Variants in RBBP8 observed in about 807,000 individuals in gnomAD.
RBBP8 encodes DNA endonuclease RBBP8.
Under a neutral mutation model 108.3 loss-of-function variants are expected in RBBP8, and 88 were observed. That is an observed-to-expected ratio of 0.81 (90% confidence interval 0.68 to 0.97). The LOEUF (loss-of-function observed/expected upper bound fraction) is 0.97. RBBP8 is among the 50% of genes least tolerant of loss of function. The probability of loss-of-function intolerance (pLI) is 0.00; values close to 1 mark genes in which losing one functional copy is unlikely to be tolerated. For missense variants in RBBP8, 1,023 were observed against 1,049.0 expected, an observed-to-expected ratio of 0.98 and a Z score of 0.34; for synonymous variants, 332 against 348.2, an observed-to-expected ratio of 0.95 and a Z score of 0.52.
intron 8 of RBBP8, 35 bp downstream of exon 8, chr18:22,985,025 A>G: frequency 6.2e-7 from 1 of 1,608,228 alleles, no homozygotes; most frequent in Non-Finnish European, 8.5e-7. Flanking sequence ...TACAAGTTTA[A>G]AATTGTGGTT....
intron 6 of RBBP8, among the ~76,000 whole-genome samples, chr18:22,980,077 C>A (rs1318107821): frequency 6.6e-6 from 1 of 152,028 alleles, no homozygotes; most frequent in Non-Finnish European, 1.5e-5. Flanking sequence ...GAAACCCTGT[C>A]TCTACTAAAA....
At chr18:22,976,648 A>G (rs1914520298) in intron 6 of RBBP8, among the ~76,000 whole-genome samples, 2 of 152,112 alleles carry the variant, frequency 1.3e-5, no homozygotes. Flanking sequence ...TTTAAAAAAT[A>G]TGAATTTGGA....
chr18:22,954,749 G>C (rs745461446), intron 4 of RBBP8, among the ~76,000 whole-genome samples: 1 of 152,136 alleles, frequency 6.6e-6, no homozygotes, highest in Non-Finnish European at 1.5e-5. Flanking sequence ...CACATGGTTG[G>C]GGAGGCCTCA....
At chr18:23,018,957 C>G (rs908185139) in intron 17 of RBBP8, among the ~76,000 whole-genome samples, 1 of 152,092 alleles carries the variant, frequency 6.6e-6, no homozygotes, top group Non-Finnish European at 1.5e-5. Context: ...AATAACCAAG[C>G]ACATTAAAAT....
At chr18:22,942,986 T>C (rs1911229617) in intron 2 of RBBP8, among the ~76,000 whole-genome samples, 1 of 152,080 alleles carries the variant, frequency 6.6e-6, no homozygotes, top group Admixed American at 6.5e-5. Context: ...TTGAAACACC[T>C]TGAAGAAATG....
At chr18:22,952,638 G>A (rs1240601221) in intron 4 of RBBP8, among the ~76,000 whole-genome samples, 1 of 152,104 alleles carries the variant, frequency 6.6e-6, no homozygotes, top group East Asian at 1.9e-4. Context: ...AGGCTGTCTA[G>A]CTGAGAAGCC....
Position 23,026,320 on chromosome 18 carries a change from G to C in RBBP8, c.*80G>C. 5.2e-6 allele frequency: 6 copies of C among 1,151,168 alleles called. No individual in the cohort carries two copies. Among genetic ancestry groups the C allele is most frequent in the Non-Finnish European group, 7.7e-6 (6 of 777,738 alleles). 71.3% of individuals were successfully genotyped at this position (1,151,168 alleles called of 1,614,324 possible). A position where few individuals can be genotyped will look rare whatever the true frequency, so the allele number is the denominator to read the frequency against. ...ATAGTTAAAGTTGGTACTAAACATTGATTTTTTTGATCTTCTGTAAATGGA... is the reference window on the plus strand; with the variant it reads ...ATAGTTAAAGTTGGTACTAAACATTCATTTTTTTGATCTTCTGTAAATGGA... On this transcript the variant is annotated 3_prime_UTR_variant, in exon 19 of 19. Transcript: ENST00000327155.
intron 4 of RBBP8, among the ~76,000 whole-genome samples, chr18:22,966,373 A>G (rs1256985916): frequency 6.6e-6 from 1 of 152,158 alleles, no homozygotes; most frequent in Non-Finnish European, 1.5e-5. Flanking sequence ...TTAATGCTAC[A>G]TATGACTTCC....
intron 12 of RBBP8, among the ~76,000 whole-genome samples, chr18:22,995,202 T>A (rs1180254969): frequency 1.3e-5 from 2 of 152,134 alleles, no homozygotes; most frequent in Non-Finnish European, 1.5e-5. Flanking sequence ...TTAGTCTCTA[T>A]ATGAAAACAT....
At chr18:22,926,199 G>C (rs940486569) in intron 3 of RBBP8, among the ~76,000 whole-genome samples, 10 of 152,194 alleles carry the variant, frequency 6.6e-5, no homozygotes, top group Admixed American at 3.9e-4. Context: ...AAGGCAGGTG[G>C]ATCCCTTGAG....
intron 18 of RBBP8, among the ~76,000 whole-genome samples, chr18:23,024,247 G>A (rs927246975): frequency 4.0e-5 from 6 of 151,566 alleles, no homozygotes; most frequent in African/African-American, 1.5e-4. Flanking sequence ...GACTTTTTTT[G>A]TATGTGGCAC....
At chr18:22,990,903 T>C in intron 9 of RBBP8, 34 bp from the exon 10 acceptor site, 1 of 1,487,328 alleles carries the variant, frequency 6.7e-7, no homozygotes, top group South Asian at 1.1e-5. Context: ...ACAAATCCCA[T>C]TACATGGATG....
intron 18 of RBBP8, among the ~76,000 whole-genome samples, chr18:23,023,867 G>A (rs1417945801): frequency 1.0e-5 from 1 of 97,404 alleles, no homozygotes; most frequent in Admixed American, 1.5e-4. Flanking sequence ...TTATGAAGGG[G>A]CCTTTTTTTT....
rs1333550859 is a variant in RBBP8 at position 22,982,227 on chromosome 18, A to G, written c.438A>G (p.Gln146=). The part of the protein sequence containing the change: ...EQLQQKIEND[Q]QHQAAELECE... ...TGTCATTCTTCTCTAGGAATGATCAACAGCATCAAGCAGCTGAGCTTGAAT... is the reference window on the plus strand; with the variant it reads ...TGTCATTCTTCTCTAGGAATGATCAGCAGCATCAAGCAGCTGAGCTTGAAT... Residue 146 remains glutamine, a synonymous_variant, in exon 7 of 19, where the codon CAA becomes CAG. Transcript: ENST00000327155. 13 of 1,613,334 alleles carry G rather than the reference A, an allele frequency of 8.1e-6. No homozygotes were observed. The highest frequency in any genetic ancestry group is 5.0e-5 in the Admixed American group (3 of 59,998).
chr18:22,935,272 C>T (rs1910445965), intron 1 of RBBP8, among the ~76,000 whole-genome samples: 2 of 149,390 alleles, frequency 1.3e-5, no homozygotes, highest in African/African-American at 4.9e-5. Context: ...CTTCACCCAA[C>T]ATCCATTTTT....
chr18:22,925,704 C>A (rs902163694), intron 3 of RBBP8, among the ~76,000 whole-genome samples: 1 of 152,150 alleles, frequency 6.6e-6, no homozygotes, highest in Non-Finnish European at 1.5e-5. Context: ...TCAAAGAATT[C>A]TTTAATTAAT....
At chr18:22,970,372 G>A (rs943145435) in intron 5 of RBBP8, among the ~76,000 whole-genome samples, 2 of 152,074 alleles carry the variant, frequency 1.3e-5, no homozygotes, top group African/African-American at 4.8e-5. Context: ...CTAAAATAGA[G>A]CCAAAAACTC....
chr18:22,972,856 AG>A (rs542017202), intron 5 of RBBP8, among the ~76,000 whole-genome samples: 147 of 152,352 alleles, frequency 9.6e-4, no homozygotes, highest in Non-Finnish European at 1.7e-3. Flanking sequence ...CCTTTCAATT[AG>A]CCCAAGGGAG....
intron 3 of RBBP8, among the ~76,000 whole-genome samples, chr18:22,918,761 G>A (rs1049668464): frequency 2.0e-5 from 3 of 152,050 alleles, no homozygotes; most frequent in African/African-American, 4.8e-5. Flanking sequence ...GGCACATGCC[G>A]CTACACCTGG....
Sources: allele counts gnomAD v4.1 joint callset (sites outside exome capture counted in the v4.1 genomes callset), GRCh38; gene constraint gnomAD v4.1.1; transcripts MANE v1.5; gene names NCBI Gene and HGNC (gene_info 2026-07-23, HGNC 2026-07-21).